FANCC: variants seen among roughly 807,000 people sequenced by gnomAD.
FANCC encodes the protein FA complementation group C.
FANCC carries 55 observed loss-of-function variants against 71.3 expected under a neutral mutation model. The observed-to-expected ratio is 0.77, with a 90% confidence interval of 0.62 to 0.97. The LOEUF is 0.97. FANCC is among the 50% of genes least tolerant of loss of function. The pLI is 0.00. For missense variants in FANCC, 678 were observed against 670.9 expected, an observed-to-expected ratio of 1.01 and a Z score of -0.12; for synonymous variants, 275 against 244.9, an observed-to-expected ratio of 1.12 and a Z score of -1.15.
At chr9:95,205,134 G>A (rs1484660908) in intron 4 of FANCC, among the ~76,000 whole-genome samples, 2 of 152,138 alleles carry the variant, frequency 1.3e-5, no homozygotes, top group African/African-American at 2.4e-5. Context: ...GTAAAAGGAA[G>A]TTATTCCTTC....
At chr9:95,135,549 A>C (rs1354124646) in intron 7 of FANCC, 47 bp from the exon 8 acceptor site, 2 of 1,565,592 alleles carry the variant, frequency 1.3e-6, no homozygotes, top group Non-Finnish European at 1.8e-6. Flanking sequence ...TGGCTCACTG[A>C]AAAAAGAAGA....
intron 4 of FANCC, among the ~76,000 whole-genome samples, chr9:95,218,810 C>T (rs531678047): frequency 6.6e-6 from 1 of 152,318 alleles, no homozygotes; most frequent in Admixed American, 6.5e-5. Context: ...CCTCTCCGTT[C>T]ATCCATGGAA....
chr9:95,246,068 A>T (rs1490068130), intron 3 of FANCC, among the ~76,000 whole-genome samples: 1 of 152,212 alleles, frequency 6.6e-6, no homozygotes, highest in Non-Finnish European at 1.5e-5. Flanking sequence ...GTGCATATGC[A>T]TATACATAAT....
chr9:95,279,579 G>A (rs887131849), intron 1 of FANCC, among the ~76,000 whole-genome samples: 1 of 151,304 alleles, frequency 6.6e-6, no homozygotes, highest in East Asian at 1.9e-4. Flanking sequence ...AAAAAAAGAC[G>A]AGATATACAG....
intron 1 of FANCC, among the ~76,000 whole-genome samples, chr9:95,306,828 A>G (rs770367263): frequency 2.0e-5 from 3 of 151,980 alleles, no homozygotes; most frequent in Non-Finnish European, 4.4e-5. Flanking sequence ...AGCCAAAGTA[A>G]TTTTTTTGAA....
Position 95,100,725 on chromosome 9 carries a change from G to C in FANCC, c.*982C>G. 1 of 227,416 alleles carries C rather than the reference G, an allele frequency of 4.4e-6. No individual in the cohort carries two copies. Among genetic ancestry groups the C allele is most frequent in the Non-Finnish European group, 8.7e-6 (1 of 114,358 alleles). 14.1% of individuals were successfully genotyped at this position (227,416 alleles called of 1,614,324 possible). A position where few individuals can be genotyped will look rare whatever the true frequency, so the allele number is the denominator to read the frequency against. The stretch of plus-strand genomic sequence containing the variant: ...GGCTCACTACAACTCCCACCTCCCG[G>C]GTTCAAGAGATCCTCATGCCTCAGC... On this transcript the variant is annotated 3_prime_UTR_variant, in exon 15 of 15. Transcript: ENST00000289081.
intron 7 of FANCC, among the ~76,000 whole-genome samples, chr9:95,143,892 C>T (rs1315997888): frequency 6.6e-6 from 1 of 152,158 alleles, no homozygotes; most frequent in Non-Finnish European, 1.5e-5. Context: ...TTAAAAGTTC[C>T]TCTAGGTTAT....
chr9:95,313,590 T>C (rs927196096), intron 1 of FANCC, among the ~76,000 whole-genome samples: 11 of 151,688 alleles, frequency 7.3e-5, no homozygotes, highest in Non-Finnish European at 5.9e-5. Context: ...TCTGAAAAAA[T>C]AGGAGGGAAC....
intron 1 of FANCC, among the ~76,000 whole-genome samples, chr9:95,281,053 A>G (rs972423558): frequency 6.6e-6 from 1 of 152,194 alleles, no homozygotes; most frequent in African/African-American, 2.4e-5. Flanking sequence ...TATGAGTAAC[A>G]TCTAAAGAGC....
chr9:95,295,722 C>G (rs965415441), intron 1 of FANCC, among the ~76,000 whole-genome samples: 2 of 150,620 alleles, frequency 1.3e-5, no homozygotes, highest in Admixed American at 6.6e-5. Context: ...GAGCTATGAT[C>G]ACGCCACTCA....
intron 4 of FANCC, among the ~76,000 whole-genome samples, chr9:95,226,123 C>T (rs1829596758): frequency 1.3e-5 from 2 of 152,152 alleles, no homozygotes; most frequent in African/African-American, 4.8e-5. Context: ...CTAAATAAAA[C>T]CATGATATTT....
At chr9:95,218,185 C>A (rs1162992943) in intron 4 of FANCC, among the ~76,000 whole-genome samples, 1 of 152,208 alleles carries the variant, frequency 6.6e-6, no homozygotes, top group East Asian at 1.9e-4. Context: ...TAAGGGCAGG[C>A]CGAGTGTGGT....
In FANCC at chr9:95,114,407, T is replaced by C. The variant is rs1355132387; in HGVS notation, c.1154+222A>G. On this transcript the variant is annotated intron_variant, in intron 12 of 14. Coordinates refer to ENST00000289081, the MANE Select transcript of FANCC (RefSeq NM_000136.3). ...TGTAGAAAACATTTCGATACAGGTA[T>C]TGGCACATGCATACATGCGCATGCC... 4.3e-5 allele frequency: 27 copies of C among 625,880 alleles called. No individual in the cohort carries two copies. In the South Asian group the frequency reaches 4.5e-4, roughly 10 times the overall value. 38.8% of individuals were successfully genotyped at this position (625,880 alleles called of 1,614,324 possible).
chr9:95,215,390 G>A (rs1828799664), intron 4 of FANCC, among the ~76,000 whole-genome samples: 1 of 152,070 alleles, frequency 6.6e-6, no homozygotes, highest in South Asian at 2.1e-4. Context: ...GAGGGAGATA[G>A]GGAGAGAGAG....
chr9:95,234,853 A>C (rs911341895), intron 4 of FANCC, among the ~76,000 whole-genome samples: 8 of 152,194 alleles, frequency 5.3e-5, no homozygotes, highest in African/African-American at 1.9e-4. Flanking sequence ...TGAGTGTGAA[A>C]GCAGGAAAAA....
At chr9:95,184,846 G>A (rs1166181650) in intron 4 of FANCC, among the ~76,000 whole-genome samples, 1 of 152,224 alleles carries the variant, frequency 6.6e-6, no homozygotes, top group Non-Finnish European at 1.5e-5. Flanking sequence ...AGTGGTAGAC[G>A]TGCAAATCCC....
At chr9:95,171,816 T>C (rs1010929386) in intron 5 of FANCC, among the ~76,000 whole-genome samples, 1 of 152,198 alleles carries the variant, frequency 6.6e-6, no homozygotes, top group Admixed American at 6.5e-5. Context: ...GAGAGGCTGA[T>C]TGGTTGGTTT....
intron 6 of FANCC, among the ~76,000 whole-genome samples, chr9:95,157,176 T>C (rs994881670): frequency 6.6e-6 from 1 of 152,208 alleles, no homozygotes; most frequent in African/African-American, 2.4e-5. Flanking sequence ...TTTCTAATTT[T>C]TTAGCACTTC....
chr9:95,104,170 TC>T (rs978087561), intron 14 of FANCC, among the ~76,000 whole-genome samples: 1 of 152,126 alleles, frequency 6.6e-6, no homozygotes, highest in Non-Finnish European at 1.5e-5. Context: ...GTGGGAGGGA[TC>T]CTTCCCCAGA....
Sources: gnomAD v4.1 joint callset for allele counts (sites outside exome capture counted in the v4.1 genomes callset) on GRCh38, gnomAD v4.1.1 for gene constraint, MANE v1.5 for transcripts, NCBI Gene and HGNC (gene_info 2026-07-23, HGNC 2026-07-21) for gene names.